DNM1L: variants seen among roughly 807,000 people sequenced by gnomAD.
DNM1L encodes the protein dynamin-1-like protein.
A neutral mutation model predicts 92.8 loss-of-function variants in DNM1L; 33 were observed. The observed-to-expected ratio is 0.36, with a 90% confidence interval of 0.27 to 0.48. DNM1L has a LOEUF of 0.48. Ranked by LOEUF, DNM1L falls within the 20% of genes least tolerant of loss-of-function variation. The pLI is 0.99. For missense variants in DNM1L, 485 were observed against 888.8 expected (o/e 0.55, Z 5.78); for synonymous variants, 284 against 305.0 (o/e 0.93, Z 0.72).
At chr12:32,696,748 C>T (rs1487550942) in intron 1 of DNM1L, among the ~76,000 whole-genome samples, 2 of 151,538 alleles carry the variant, frequency 1.3e-5, no homozygotes, top group East Asian at 4.0e-4. Context: ...CCTCAGCCTC[C>T]TGAGTAGCTG....
chr12:32,694,414 A>G (rs10844304), intron 1 of DNM1L, among the ~76,000 whole-genome samples: 21,865 of 152,254 alleles, frequency 0.14, 1,612 homozygotes, highest in Middle Eastern at 0.21. Context: ...AAACAGGGTC[A>G]AATAATATGT....
intron 4 of DNM1L, among the ~76,000 whole-genome samples, chr12:32,709,835 G>A (rs1295813203): frequency 1.3e-5 from 2 of 152,158 alleles, no homozygotes; most frequent in Non-Finnish European, 2.9e-5. Context: ...AGTGACATTT[G>A]TTGGCTTTGG....
At chr12:32,717,902 A>T (rs1182628010) in intron 6 of DNM1L, among the ~76,000 whole-genome samples, 1 of 96,712 alleles carries the variant, frequency 1.0e-5, no homozygotes, top group Non-Finnish European at 1.9e-5. Flanking sequence ...TACTATATAT[A>T]GTATATATAT....
rs1297518411 is a variant in DNM1L at position 32,726,562 on chromosome 12, G to A, written c.1079+3929G>A. The A allele has an allele frequency of 1.2e-5, 15 of 1,213,048 alleles. No individual in the cohort carries two copies. In the East Asian group the frequency reaches 2.8e-4, roughly 23 times the overall value. The allele number at this position is 1,213,048 out of a possible 1,614,324, so 75.1% of individuals were successfully genotyped here. On this transcript the variant is annotated intron_variant, in intron 9 of 19. Coordinates refer to ENST00000549701, the MANE Select transcript of DNM1L (RefSeq NM_012062.5). The stretch of plus-strand genomic sequence containing the variant: ...ACTGATCTTGGGATTGTATGCTCAC[G>A]TAAAAAGTGACCAATTTTGAAGTCT...
intron 12 of DNM1L, among the ~76,000 whole-genome samples, chr12:32,732,251 C>G (rs1033765373): frequency 6.6e-6 from 1 of 152,136 alleles, no homozygotes; most frequent in African/African-American, 2.4e-5. Flanking sequence ...TACCACTGAT[C>G]TTAAGAGAAA....
chr12:32,679,858 G>T, intron 1 of DNM1L: 1 of 995,082 alleles, frequency 1.0e-6, no homozygotes, highest in Non-Finnish European at 1.2e-6. Context: ...GGTCTCGCTG[G>T]GCTCGGTGGG....
At chr12:32,686,928 CTTTTTTTTCTTTTTTTT>C (rs1184479986) in intron 1 of DNM1L, among the ~76,000 whole-genome samples, 2 of 121,642 alleles carry the variant, frequency 1.6e-5, no homozygotes, top group Non-Finnish European at 3.4e-5. Context: ...TGTAAGAGTT[CTTTTTTTTCTTTTTTTT>C]TTTTTTTTTT....
At chr12:32,710,871 G>A in intron 4 of DNM1L, 58 bp from the exon 5 acceptor site, 1 of 1,319,690 alleles carries the variant, frequency 7.6e-7, no homozygotes, top group Non-Finnish European at 1.1e-6. Flanking sequence ...TACTTGAAAT[G>A]AAGTTTATTA....
At chr12:32,717,329 ATT>A (rs1232601171) in intron 6 of DNM1L, among the ~76,000 whole-genome samples, 75 of 70,392 alleles carry the variant, frequency 1.1e-3, no homozygotes, top group South Asian at 1.3e-3. Flanking sequence ...TACACTATAT[ATT>A]TTATATATAC....
chr12:32,742,809 T>C lies in DNM1L; in HGVS notation c.2154+61T>C. 5.6e-6 allele frequency: 9 copies of C among 1,596,088 alleles called. No homozygotes were observed. The South Asian group carries it at 8.8e-5, about 16-fold the overall frequency. ...GTAGATAGAAACATAGAAATAGTTT[T>C]AAATGCAGTTTGATTCTTGGATATG... On this transcript the variant is annotated intron_variant, in intron 19 of 19. Transcript: ENST00000549701.
chr12:32,689,763 C>T (rs1002545213), intron 1 of DNM1L, among the ~76,000 whole-genome samples: 1 of 152,104 alleles, frequency 6.6e-6, no homozygotes, highest in Non-Finnish European at 1.5e-5. Flanking sequence ...ATTATTAACT[C>T]CTCAACCCCA....
At chr12:32,733,566 T>C (rs1466498526) in intron 12 of DNM1L, 149 bp from the exon 13 acceptor site, 1 of 669,538 alleles carries the variant, frequency 1.5e-6, no homozygotes, top group Admixed American at 2.5e-5. Context: ...ATAAGATTTA[T>C]CAGTTGGAAT....
rs1269435765 is a variant in DNM1L at position 32,733,522 on chromosome 12, A to T, written c.1447-193A>T. The T allele has an allele frequency of 5.3e-6, 3 of 569,444 alleles. No individual in the cohort carries two copies. The African/African-American group carries it at 5.7e-5, about 11-fold the overall frequency. The allele number at this position is 569,444 out of a possible 1,614,324, so 35.3% of individuals were successfully genotyped here. A position where few individuals can be genotyped will look rare whatever the true frequency, so the allele number is the denominator to read the frequency against. Reference sequence around the variant, plus strand: ...TGCAGTTTTAGATGCTGAAATGTAAATAATTTTAAAGCTAGAGTAAATTAT... The same window carrying T: ...TGCAGTTTTAGATGCTGAAATGTAATTAATTTTAAAGCTAGAGTAAATTAT... On this transcript the variant is annotated intron_variant, in intron 12 of 19. Coordinates refer to ENST00000549701, the MANE Select transcript of DNM1L (RefSeq NM_012062.5).
chr12:32,717,458 TTTTAA>T (rs1370807504), intron 6 of DNM1L, among the ~76,000 whole-genome samples: 2 of 102,634 alleles, frequency 1.9e-5, no homozygotes, highest in Non-Finnish European at 3.6e-5. Flanking sequence ...ACTATATATA[TTTTAA>T]ATATATAGTA....
At chr12:32,741,768 A>G (rs2892683) in intron 18 of DNM1L, among the ~76,000 whole-genome samples, 2,152 of 152,320 alleles carry the variant, frequency 0.014, 48 homozygotes, top group African/African-American at 0.049. Flanking sequence ...TTCCCTATTC[A>G]GTACAGTAAC....
chr12:32,682,299 A>G (rs1951837574), intron 1 of DNM1L, among the ~76,000 whole-genome samples: 1 of 151,988 alleles, frequency 6.6e-6, no homozygotes, highest in African/African-American at 2.4e-5. Flanking sequence ...CGCCCGGCTA[A>G]TTTTGTATTT....
chr12:32,679,532 G>A (rs1489245382), intron 1 of DNM1L, 67 bp downstream of exon 1: 2 of 1,515,388 alleles, frequency 1.3e-6, no homozygotes, highest in African/African-American at 2.7e-5. Flanking sequence ...TGCTGCGGCA[G>A]TGCCCACTCC....
intron 2 of DNM1L, among the ~76,000 whole-genome samples, chr12:32,702,749 C>G (rs1952764603): frequency 6.6e-6 from 1 of 151,918 alleles, no homozygotes. Context: ...ATGTTAGTCA[C>G]TGAAGCAAAT....
intron 2 of DNM1L, chr12:32,705,647 G>C (rs763675428): frequency 2.6e-5 from 15 of 586,682 alleles, no homozygotes; most frequent in Non-Finnish European, 4.5e-5. Context: ...CTGCGCAGTG[G>C]GATTCTTAAT....
Sources: gnomAD v4.1 joint callset for allele counts (sites outside exome capture counted in the v4.1 genomes callset) on GRCh38, gnomAD v4.1.1 for gene constraint, MANE v1.5 for transcripts, NCBI Gene and HGNC (gene_info 2026-07-23, HGNC 2026-07-21) for gene names.